PIEZO1: variants seen among roughly 807,000 people sequenced by gnomAD.
PIEZO1 encodes piezo-type mechanosensitive ion channel component 1.
A neutral mutation model predicts 297.2 loss-of-function variants in PIEZO1; 296 were observed. That is an observed-to-expected ratio of 1.00 (90% confidence interval 0.91 to 1.10). PIEZO1 has a LOEUF of 1.10. Ranked by LOEUF, PIEZO1 falls within the 50% of genes least tolerant of loss-of-function variation. The pLI, the probability that PIEZO1 is intolerant of heterozygous loss-of-function variation, is 0.00. For missense variants in PIEZO1, 5,018 were observed against 3,455.5 expected, an observed-to-expected ratio of 1.45 and a Z score of -11.34; for synonymous variants, 2,427 against 1,507.5, an observed-to-expected ratio of 1.61 and a Z score of -14.13.
chr16:88,753,509 C>G (rs1263263068), intron 1 of PIEZO1, among the ~76,000 whole-genome samples: 1 of 151,986 alleles, frequency 6.6e-6, no homozygotes, highest in Non-Finnish European at 1.5e-5. Flanking sequence ...CTCCCATCAT[C>G]TGGTCTTGGG....
chr16:88,759,671 C>G (rs1164939698), intron 1 of PIEZO1, among the ~76,000 whole-genome samples: 3 of 152,210 alleles, frequency 2.0e-5, no homozygotes, highest in African/African-American at 4.8e-5. Flanking sequence ...AAAAGCAAAC[C>G]CAGACCCAGA....
At position 88,723,259 on chromosome 16, in the gene PIEZO1, C is replaced by G; in HGVS notation, c.4405G>C (p.Ala1469Pro). The part of the protein sequence containing the change: ...LRRRQQEQEQ[A>P]RQEQAGQLPT... ...AGCTGTCCTGCCTGTTCCTGCCTTG[C>G]CTGCTCCTGCTCCTGCTGCCGCCGC... is the stretch of plus-strand genomic sequence containing the variant. Residue 1469 changes from alanine (A) to proline (P), a missense_variant, in exon 32 of 51, where the codon GCA (alanine) becomes CCA (proline). By Grantham distance (27) the Ala-to-Pro change is conservative. Coordinates refer to ENST00000301015, the MANE Select transcript of PIEZO1 (RefSeq NM_001142864.4). 6.6e-7 allele frequency: 1 copy of G among 1,508,620 alleles called. No homozygotes were observed. Among genetic ancestry groups the G allele is most frequent in the Admixed American group, 2.1e-5 (1 of 48,150 alleles). The allele number at this position is 1,508,620 out of a possible 1,614,324, so 93.5% of individuals were successfully genotyped here.
rs371049428 is a variant in PIEZO1 at position 88,716,249 on chromosome 16, T to C, written c.7078A>G (p.Ile2360Val). 7 of 1,494,414 alleles carry C rather than the reference T, an allele frequency of 4.7e-6. No individual in the cohort carries two copies. The highest frequency in any genetic ancestry group is 4.2e-5 in the African/African-American group (3 of 71,748). 92.6% of individuals were successfully genotyped at this position (1,494,414 alleles called of 1,614,324 possible). Residue 2360 changes from isoleucine (I) to valine (V), a missense_variant, in exon 49 of 51, where the codon ATC becomes GTC. Ile to Val is a conservative substitution (Grantham distance 29, BLOSUM62 3). Coordinates refer to ENST00000301015, the MANE Select transcript of PIEZO1 (RefSeq NM_001142864.4). ...GCTTCGGGCCCGTTGGGGGCACGGA[T>C]GTACTTGGGGAAGAGATTAGGGATG... ...VVIPNLFPKYIRAPNGPEANP... is the reference protein window; with the variant it reads ...VVIPNLFPKYVRAPNGPEANP...
intron 2 of PIEZO1, among the ~76,000 whole-genome samples, chr16:88,747,318 C>A (rs1344844703): frequency 6.6e-6 from 1 of 151,738 alleles, no homozygotes; most frequent in Non-Finnish European, 1.5e-5. Flanking sequence ...GAGTTCAAGA[C>A]CAGCCTGGCC....
At chr16:88,722,505 T>C in intron 35 of PIEZO1, 78 bp downstream of exon 35, 1 of 1,426,762 alleles carries the variant, frequency 7.0e-7, no homozygotes, top group Middle Eastern at 1.8e-4. Flanking sequence ...TACAAGGGAA[T>C]GGCGAGGGTC....
intron 1 of PIEZO1, among the ~76,000 whole-genome samples, chr16:88,755,698 G>A (rs1030995544): frequency 2.6e-5 from 4 of 152,156 alleles, no homozygotes; most frequent in Non-Finnish European, 5.9e-5. Flanking sequence ...GAACGGTGGC[G>A]CCTACCCTCA....
intron 1 of PIEZO1, among the ~76,000 whole-genome samples, chr16:88,752,948 GT>G (rs1258461861): frequency 6.6e-6 from 1 of 151,952 alleles, no homozygotes; most frequent in East Asian, 1.9e-4. Context: ...AGCGGGCTTG[GT>G]CTAGGGTCCG....
At chr16:88,769,485 C>T (rs750056653) in intron 1 of PIEZO1, among the ~76,000 whole-genome samples, 1 of 152,234 alleles carries the variant, frequency 6.6e-6, no homozygotes, top group African/African-American at 2.4e-5. Context: ...ATTTTCCTTA[C>T]CAATATGAAG....
chr16:88,738,963 G>T lies in PIEZO1; in HGVS notation c.466-227C>A, dbSNP rs902611709. The T allele has an allele frequency of 5.1e-6, 3 of 584,404 alleles. No individual in the cohort carries two copies. The African/African-American group carries it at 5.6e-5, about 11-fold the overall frequency. The allele number at this position is 584,404 out of a possible 1,614,324, so 36.2% of individuals were successfully genotyped here. ...ACAGTTCCTGCAGGCCTTCCTGGTA[G>T]CAGCTCCCACCCTGGCCGAAGACCC... On this transcript the variant is annotated intron_variant, in intron 5 of 50. Coordinates refer to ENST00000301015, the MANE Select transcript of PIEZO1 (RefSeq NM_001142864.4).
Position 88,733,320 on chromosome 16 carries a change from G to A in PIEZO1, c.2622C>T (p.Leu874=), listed in dbSNP as rs533472355. 4.6e-5 allele frequency: 72 copies of A among 1,549,538 alleles called. No individual in the cohort carries two copies. The highest frequency in any genetic ancestry group is 5.9e-5 in the Non-Finnish European group (68 of 1,146,368). ...VIIVCKMLYQ[L]KVVNPQEYSS... ...AATACTCCTGGGGGTTGACAACCTTGAGCTGGTACAGCATCTTACACACGA... is the reference window on the plus strand; with the variant it reads ...AATACTCCTGGGGGTTGACAACCTTAAGCTGGTACAGCATCTTACACACGA... Residue 874 remains leucine, a synonymous_variant, in exon 19 of 51, where the codon CTC becomes CTT. Transcript: ENST00000301015.
intron 29 of PIEZO1, 26 bp downstream of exon 29, chr16:88,725,389 TG>T: frequency 1.5e-6 from 2 of 1,325,856 alleles, no homozygotes; most frequent in Non-Finnish European, 2.0e-6. Context: ...CACGGGGCCC[TG>T]GGTGCCCGAC....
intron 5 of PIEZO1, chr16:88,739,131 G>C (rs2142836306): frequency 5.2e-6 from 1 of 192,842 alleles, no homozygotes; most frequent in Admixed American, 5.4e-5. Flanking sequence ...GGTCTCTAGA[G>C]ACCAAGGGGG....
At chr16:88,783,075 A>G (rs1376898660) in intron 1 of PIEZO1, among the ~76,000 whole-genome samples, 1 of 152,240 alleles carries the variant, frequency 6.6e-6, no homozygotes, top group Non-Finnish European at 1.5e-5. Context: ...TATTCTTTAA[A>G]AGTTTCATAG....
Position 88,725,465 on chromosome 16 carries a change from G to A in PIEZO1, c.4113C>T (p.Arg1371=), listed in dbSNP as rs1308452922. 3 of 1,510,080 alleles carry A rather than the reference G, an allele frequency of 2.0e-6. No individual in the cohort carries two copies. The highest frequency in any genetic ancestry group is 2.8e-5 in the African/African-American group (2 of 71,936). 93.5% of individuals were successfully genotyped at this position (1,510,080 alleles called of 1,614,324 possible). Residue 1371 remains arginine, a synonymous_variant, in exon 29 of 51, where the codon CGC becomes CGT. Transcript: ENST00000301015. ...QEKHRQGRVD[R]SRPQDTLGPK... ...GGCCCAGGGTGTCCTGGGGGCGACT[G>A]CGGTCCACCCGGCCCTGCCTGTGCT...
chr16:88,759,053 A>G (rs1236791586), intron 1 of PIEZO1, among the ~76,000 whole-genome samples: 1 of 152,178 alleles, frequency 6.6e-6, no homozygotes, highest in Admixed American at 6.5e-5. Flanking sequence ...TCCCTTTTTT[A>G]CAAGGGGAAT....
chr16:88,726,239 A>G (rs1904420150), intron 27 of PIEZO1, 45 bp downstream of exon 27: 1 of 1,493,698 alleles, frequency 6.7e-7, no homozygotes, highest in Non-Finnish European at 9.0e-7. Flanking sequence ...GCCCCCTCCC[A>G]GCCCCAAGAC....
rs139051768 is a variant in PIEZO1 at position 88,721,827 on chromosome 16, G to A, written c.5195C>T (p.Thr1732Met). The A allele has an allele frequency of 0.011, 17,005 of 1,547,352 alleles. 164 individuals carry two copies. Among genetic ancestry groups the A allele is most frequent in the South Asian group, 0.031 (2,595 of 84,026 alleles). The change falls in exon 37 of 51, where the codon ACG (threonine) becomes ATG (methionine). Residue 1732 changes from threonine (T) to methionine (M), a missense_variant. Transcript: ENST00000301015. ...GCCCACCTCGGTGAAGACGATGGCC[G>A]TCATCCAGAAGCGCTTGCTGGGCCT... ...IPRPSKRFWMTAIVFTEIAVV... is the reference protein window; with the variant it reads ...IPRPSKRFWMMAIVFTEIAVV...
At chr16:88,733,874 G>C (rs1905038331) in intron 17 of PIEZO1, 32 bp downstream of exon 17, 2 of 1,472,768 alleles carry the variant, frequency 1.4e-6, no homozygotes, top group Non-Finnish European at 9.0e-7. Context: ...CAGCAGACTG[G>C]GTGGCAGCTG....
rs1004219191 is a variant in PIEZO1, at chr16:88,785,206, C to T, written c.-242G>A. 3 of 241,310 alleles carry T rather than the reference C, an allele frequency of 1.2e-5. No individual in the cohort carries two copies. Among genetic ancestry groups the T allele is most frequent in the Non-Finnish European group, 2.4e-5 (3 of 127,098 alleles). 14.9% of individuals were successfully genotyped at this position (241,310 alleles called of 1,614,324 possible). A position where few individuals can be genotyped will look rare whatever the true frequency, so the allele number is the denominator to read the frequency against. On this transcript the variant is annotated 5_prime_UTR_variant, in exon 1 of 51. Coordinates refer to ENST00000301015, the MANE Select transcript of PIEZO1 (RefSeq NM_001142864.4). ...TCGGCTCACTGGGGCCGAGCTGGGC[C>T]GGACGGCGGCTCCCGCCCTCCTCCG...
Sources: gnomAD v4.1 joint callset for allele counts (sites outside exome capture counted in the v4.1 genomes callset) on GRCh38, gnomAD v4.1.1 for gene constraint, MANE v1.5 for transcripts, NCBI Gene and HGNC (gene_info 2026-07-23, HGNC 2026-07-21) for gene names.